The following MAML3 variants were observed in gnomAD, a reference collection of about 807,000 sequenced individuals.
MAML3 encodes mastermind like transcriptional coactivator 3.
Under a neutral mutation model 101.9 loss-of-function variants are expected in MAML3, and 27 were observed. The ratio of observed to expected loss-of-function variants is 0.27; its 90% CI spans 0.20 to 0.37. MAML3 has a LOEUF of 0.37. Among genes scored for constraint, MAML3 ranks in the 10% least tolerant of loss-of-function variants. The probability of loss-of-function intolerance (pLI) is 1.00; values close to 1 mark genes in which losing one functional copy is unlikely to be tolerated. For missense variants in MAML3, 1,316 were observed against 1,444.9 expected, an observed-to-expected ratio of 0.91 and a Z score of 1.45; for synonymous variants, 501 against 555.9, an observed-to-expected ratio of 0.90 and a Z score of 1.39.
chr4:139,950,102 G>C (rs2110756206), intron 1 of MAML3, among the ~76,000 whole-genome samples: 1 of 152,246 alleles, frequency 6.6e-6, no homozygotes, highest in Admixed American at 6.5e-5. Flanking sequence ...GTGCAGTGGT[G>C]TGATCTCAGC....
chr4:139,961,294 C>T (rs186022957), intron 1 of MAML3, among the ~76,000 whole-genome samples: 40 of 152,298 alleles, frequency 2.6e-4, no homozygotes, highest in Admixed American at 9.2e-4. Flanking sequence ...TGAACTCCTT[C>T]GAGGAATTCA....
At chr4:139,996,049 G>A (rs1734805982) in intron 1 of MAML3, among the ~76,000 whole-genome samples, 2 of 151,926 alleles carry the variant, frequency 1.3e-5, no homozygotes, top group Admixed American at 6.6e-5. Flanking sequence ...GGTTATTCAG[G>A]AGTGTTGTCC....
chr4:140,090,860 G>C (rs941603034), intron 1 of MAML3, among the ~76,000 whole-genome samples: 1 of 152,112 alleles, frequency 6.6e-6, no homozygotes, highest in African/African-American at 2.4e-5. Context: ...AGACCAGCCT[G>C]GCAAACATGG....
chr4:140,137,144 G>T (rs918993525), intron 1 of MAML3, among the ~76,000 whole-genome samples: 2 of 152,056 alleles, frequency 1.3e-5, no homozygotes, highest in African/African-American at 2.4e-5. Flanking sequence ...GCCCGCCACC[G>T]CGCCCGGCTA....
chr4:139,963,877 AAG>A (rs1211934997), intron 1 of MAML3, among the ~76,000 whole-genome samples: 1 of 152,226 alleles, frequency 6.6e-6, no homozygotes, highest in Non-Finnish European at 1.5e-5. Flanking sequence ...CTGTCATTTT[AAG>A]AGATGATGAT....
intron 2 of MAML3, among the ~76,000 whole-genome samples, chr4:139,766,730 T>A (rs1560787876): frequency 6.6e-6 from 1 of 152,196 alleles, no homozygotes; most frequent in Non-Finnish European, 1.5e-5. Flanking sequence ...CCCCTCTATT[T>A]GATAAAGAGG....
At chr4:139,752,437 C>T (rs1729529485) in intron 2 of MAML3, among the ~76,000 whole-genome samples, 2 of 152,150 alleles carry the variant, frequency 1.3e-5, no homozygotes, top group African/African-American at 4.8e-5. Flanking sequence ...CACCCTGGAC[C>T]TAGCCTGGCT....
intron 1 of MAML3, among the ~76,000 whole-genome samples, chr4:140,043,931 T>A (rs1293380243): frequency 1.3e-5 from 2 of 152,228 alleles, no homozygotes; most frequent in African/African-American, 4.8e-5. Flanking sequence ...AAGCAGCGTC[T>A]TTTAATGAAA....
rs145024260 is a variant in MAML3, at chr4:139,974,053, C to T, written c.469-83086G>A. Among the ~76,000 whole-genome samples, 140 of 151,858 alleles carry T rather than the reference C, an allele frequency of 9.2e-4. 1 individual carries two copies. The highest frequency in any genetic ancestry group is 2.9e-3 in the African/African-American group (120 of 41,406). The stretch of plus-strand genomic sequence containing the variant: ...TGGTTGATGAATTAACGGCCTACAA[C>T]GTTCCTTTAAAACCAAACCACCTAA... On this transcript the variant is annotated intron_variant, in intron 1 of 4. Coordinates refer to ENST00000509479, the MANE Select transcript of MAML3 (RefSeq NM_018717.5).
intron 1 of MAML3, among the ~76,000 whole-genome samples, chr4:139,955,937 C>A (rs138153283): frequency 6.6e-6 from 1 of 152,150 alleles, no homozygotes; most frequent in Non-Finnish European, 1.5e-5. Context: ...TCTTCCCCTA[C>A]GAACGTGAAT....
At chr4:139,790,107 G>A (rs989564606) in intron 2 of MAML3, among the ~76,000 whole-genome samples, 2 of 151,148 alleles carry the variant, frequency 1.3e-5, no homozygotes, top group Non-Finnish European at 2.9e-5. Context: ...CTTTGAGGAT[G>A]GTGTTCTCAT....
Position 139,718,737 on chromosome 4 carries a change from T to A in MAML3, c.*586A>T, listed in dbSNP as rs2110949466. On this transcript the variant is annotated 3_prime_UTR_variant, in exon 5 of 5. Coordinates refer to ENST00000509479, the MANE Select transcript of MAML3 (RefSeq NM_018717.5). ...TGTAGGATCTGTGGTTGTCTCCTTT[T>A]GACAATCTCACTGTTCTTCGTGCCT... is the stretch of plus-strand genomic sequence containing the variant. 6.5e-6 allele frequency: 1 copy of A among 153,786 alleles called. No individual in the cohort carries two copies. Among genetic ancestry groups the A allele is most frequent in the Middle Eastern group, 3.4e-3 (1 of 294 alleles). The allele number at this position is 153,786 out of a possible 1,614,324, so 9.5% of individuals were successfully genotyped here.
At chr4:139,873,652 G>A (rs1732056027) in intron 2 of MAML3, among the ~76,000 whole-genome samples, 1 of 152,190 alleles carries the variant, frequency 6.6e-6, no homozygotes, top group Non-Finnish European at 1.5e-5. Context: ...GCCATGTCAT[G>A]AGAAAACTTA....
intron 1 of MAML3, among the ~76,000 whole-genome samples, chr4:140,056,720 G>A (rs563947349): frequency 3.9e-4 from 59 of 151,238 alleles, no homozygotes; most frequent in African/African-American, 1.4e-3. Context: ...TAAGGCAGGA[G>A]AATCGCTTGA....
At chr4:139,811,496 T>C (rs1730796770) in intron 2 of MAML3, among the ~76,000 whole-genome samples, 2 of 152,234 alleles carry the variant, frequency 1.3e-5, no homozygotes, top group South Asian at 4.1e-4. Context: ...CAGGGAAACC[T>C]GACTTAGGTT....
chr4:139,760,379 G>T (rs189397695), intron 2 of MAML3, among the ~76,000 whole-genome samples: 10 of 152,194 alleles, frequency 6.6e-5, no homozygotes, highest in Non-Finnish European at 1.5e-4. Context: ...GGGATAGATA[G>T]AATGTGGGCT....
intron 1 of MAML3, among the ~76,000 whole-genome samples, chr4:140,152,186 C>T (rs535044562): frequency 6.6e-6 from 1 of 152,330 alleles, no homozygotes; most frequent in African/African-American, 2.4e-5. Context: ...CCGCGCCCCG[C>T]ATCCGCGCGC....
Position 140,120,063 on chromosome 4 carries a change from C to G in MAML3, c.468+32797G>C, listed in dbSNP as rs959766763. 5.3e-5 allele frequency among the ~76,000 whole-genome samples: 8 copies of G among 151,952 alleles called. No individual in the cohort carries two copies. In the East Asian group the frequency reaches 5.8e-4, roughly 11 times the overall value. Reference sequence around the variant, plus strand: ...CCATCCTGGCTAACACGGTGAAACCCCGTCTCTACTAAAAATACAAAAAAT... The same window carrying G: ...CCATCCTGGCTAACACGGTGAAACCGCGTCTCTACTAAAAATACAAAAAAT... On this transcript the variant is annotated intron_variant, in intron 1 of 4. Transcript: ENST00000509479.
intron 1 of MAML3, among the ~76,000 whole-genome samples, chr4:140,037,891 C>G (rs1727014712): frequency 1.3e-5 from 2 of 152,190 alleles, no homozygotes; most frequent in South Asian, 4.1e-4. Context: ...ATGGGGCTCT[C>G]TTTGTGGTGA....
Sources: allele counts gnomAD v4.1 joint callset (sites outside exome capture counted in the v4.1 genomes callset), GRCh38; gene constraint gnomAD v4.1.1; transcripts MANE v1.5; gene names NCBI Gene and HGNC (gene_info 2026-07-23, HGNC 2026-07-21).